Variants in ART1 observed in about 807,000 individuals in gnomAD.
ART1 encodes ADP-ribosyltransferase 1.
A neutral mutation model predicts 27.0 loss-of-function variants in ART1; 29 were observed. That is an observed-to-expected ratio of 1.08 (90% CI 0.80 to 1.47). ART1 has a LOEUF of 1.47. ART1 is among the 40% of genes most tolerant of loss of function. The pLI, the probability that ART1 is intolerant of heterozygous loss-of-function variation, is 0.00. For missense variants in ART1, 480 were observed against 423.0 expected (o/e 1.13, Z -1.18); for synonymous variants, 201 against 172.2 (o/e 1.17, Z -1.31).
intron 1 of ART1, among the ~76,000 whole-genome samples, chr11:3,653,273 C>G: frequency 6.7e-6 from 1 of 148,820 alleles, no homozygotes; most frequent in Non-Finnish European, 1.5e-5. Context: ...CCCCTGTGAC[C>G]TGCACATACA....
intron 1 of ART1, among the ~76,000 whole-genome samples, chr11:3,653,491 T>A (rs1037269029): frequency 6.6e-6 from 1 of 150,728 alleles, no homozygotes; most frequent in Non-Finnish European, 1.5e-5. Context: ...TTTTCCTTTA[T>A]CTACCCAAAT....
chr11:3,660,254 C>CT lies in ART1; in HGVS notation c.738dup (p.Glu247Ter). On this transcript the variant is annotated frameshift_variant, in exon 3 of 5. Transcript: ENST00000250693. LOFTEE classifies it high-confidence loss of function. The stretch of plus-strand genomic sequence containing the variant: ...GAGAGGAAGAGGTGCTGATCCCCCC[C>CT]TTTGAGACCTTCCAAGTGATCAATG... 6.2e-7 allele frequency: 1 copy of CT among 1,613,412 alleles called. No individual in the cohort carries two copies. The highest frequency in any genetic ancestry group is 8.5e-7 in the Non-Finnish European group (1 of 1,180,038).
chr11:3,646,695 C>T (rs1194647239), intron 1 of ART1, among the ~76,000 whole-genome samples: 1 of 152,168 alleles, frequency 6.6e-6, no homozygotes, highest in East Asian at 1.9e-4. Flanking sequence ...CTCATCTCTT[C>T]CCTGATTTCA....
At chr11:3,648,656 C>T (rs939723545) in intron 1 of ART1, among the ~76,000 whole-genome samples, 4 of 152,192 alleles carry the variant, frequency 2.6e-5, no homozygotes, top group Non-Finnish European at 4.4e-5. Context: ...AGGCAGCCTT[C>T]CCTTGGTGTT....
chr11:3,650,043 A>G (rs2077506766), intron 1 of ART1, among the ~76,000 whole-genome samples: 1 of 152,216 alleles, frequency 6.6e-6, no homozygotes, highest in Admixed American at 6.5e-5. Flanking sequence ...AAGGTATACA[A>G]TAATAGAATA....
intron 4 of ART1, among the ~76,000 whole-genome samples, chr11:3,662,656 C>A (rs969082881): frequency 6.6e-6 from 1 of 152,054 alleles, no homozygotes; most frequent in African/African-American, 2.4e-5. Context: ...ACCAGCCTGA[C>A]CAACATGGAG....
chr11:3,659,458 C>T (rs2077599744), intron 2 of ART1, 125 bp from the exon 3 acceptor site: 2 of 1,363,410 alleles, frequency 1.5e-6, no homozygotes, highest in Non-Finnish European at 2.0e-6. Context: ...GTTCCCAATC[C>T]CCTTCCCCAC....
intron 4 of ART1, among the ~76,000 whole-genome samples, chr11:3,663,139 C>CTCA (rs1471322739): frequency 6.7e-6 from 1 of 149,212 alleles, no homozygotes; most frequent in Admixed American, 6.7e-5. Context: ...CTCATCTCAT[C>CTCA]TCATCATCAT....
At chr11:3,655,081 T>C (rs976365064) in intron 1 of ART1, among the ~76,000 whole-genome samples, 1 of 152,210 alleles carries the variant, frequency 6.6e-6, no homozygotes, top group Non-Finnish European at 1.5e-5. Flanking sequence ...TTATCTAAAC[T>C]GGACTTGGTT....
chr11:3,659,753 C>T lies in ART1; in HGVS notation c.234C>T (p.Ser78=). The change falls in exon 3 of 5, where the codon AGC becomes AGT. Residue 78 remains serine, a synonymous_variant. Coordinates refer to ENST00000250693, the MANE Select transcript of ART1 (RefSeq NM_004314.3). ...EFQANQVYAD[S]WTLASSQWQE... ...AGGCCAACCAGGTGTATGCAGACAG[C>T]TGGACACTGGCAAGCAGCCAATGGC... 1 of 1,613,820 alleles carries T rather than the reference C, an allele frequency of 6.2e-7. No individual in the cohort carries two copies. The highest frequency in any genetic ancestry group is 8.5e-7 in the Non-Finnish European group (1 of 1,179,918).
intron 1 of ART1, among the ~76,000 whole-genome samples, chr11:3,652,216 C>T (rs1476374782): frequency 2.7e-5 from 4 of 150,928 alleles, no homozygotes; most frequent in African/African-American, 5.0e-5. Flanking sequence ...TCTAGGTAGA[C>T]ACTTTCACTG....
chr11:3,650,849 A>C (rs1414158261), intron 1 of ART1, among the ~76,000 whole-genome samples: 2 of 125,700 alleles, frequency 1.6e-5, no homozygotes, highest in Non-Finnish European at 3.6e-5. Flanking sequence ...AGGCACCTCT[A>C]CTTCCTCCTT....
At chr11:3,652,402 C>T (rs2077531123) in intron 1 of ART1, among the ~76,000 whole-genome samples, 1 of 149,262 alleles carries the variant, frequency 6.7e-6, no homozygotes. Context: ...TTCAGTGAAA[C>T]CTTTATATCC....
chr11:3,648,001 A>T (rs372754435), intron 1 of ART1, among the ~76,000 whole-genome samples: 421 of 152,240 alleles, frequency 2.8e-3, no homozygotes, highest in African/African-American at 7.8e-3. Flanking sequence ...GACCTGCACA[A>T]ACACATCCAG....
At chr11:3,650,776 C>A (rs1411824278) in intron 1 of ART1, among the ~76,000 whole-genome samples, 2 of 150,792 alleles carry the variant, frequency 1.3e-5, no homozygotes, top group Non-Finnish European at 3.0e-5. Flanking sequence ...CCACCTTTTC[C>A]CCCAGTTCAA....
At position 3,659,597 on chromosome 11, in the gene ART1, C is replaced by G. The variant is rs1171157575; in HGVS notation, c.78C>G (p.Pro26=). Residue 26 remains proline (P), a synonymous_variant, in exon 3 of 5, where the codon CCC becomes CCG. Transcript: ENST00000250693. ...TGTCCCCTCAGGCCCAGAGCCACCC[C>G]ATCACACGACGAGACCTCTTCTCTC... ...LMEALQAQSH[P]ITRRDLFSQE... The G allele has an allele frequency of 6.2e-7, 1 of 1,603,464 alleles. No homozygotes were observed. Among genetic ancestry groups the G allele is most frequent in the Non-Finnish European group, 8.5e-7 (1 of 1,176,058 alleles).
At chr11:3,658,107 C>T (rs1047890069) in intron 1 of ART1, among the ~76,000 whole-genome samples, 24 of 151,818 alleles carry the variant, frequency 1.6e-4, no homozygotes, top group Non-Finnish European at 4.4e-5. Context: ...CTGAGGCGGG[C>T]GGATCACCTG....
rs964446265 is a variant in ART1, at chr11:3,664,297, A to T, written c.*108A>T. 5.5e-6 allele frequency: 6 copies of T among 1,095,462 alleles called. No individual in the cohort carries two copies. The African/African-American group carries it at 9.3e-5, about 17-fold the overall frequency. The allele number at this position is 1,095,462 out of a possible 1,614,324, so 67.9% of individuals were successfully genotyped here. ...ATTCCTGTCAATCCCATCTGCAGGGAACTCTGGGACCTTCTCTGGTAGCTG... is the reference window on the plus strand; with the variant it reads ...ATTCCTGTCAATCCCATCTGCAGGGTACTCTGGGACCTTCTCTGGTAGCTG... On this transcript the variant is annotated 3_prime_UTR_variant, in exon 5 of 5. Transcript: ENST00000250693.
chr11:3,655,852 A>G (rs2077570329), intron 1 of ART1, among the ~76,000 whole-genome samples: 1 of 151,500 alleles, frequency 6.6e-6, no homozygotes, highest in Non-Finnish European at 1.5e-5. Flanking sequence ...GATTCTACAC[A>G]GGAAAGTGAG....
Sources: allele counts gnomAD v4.1 joint callset (sites outside exome capture counted in the v4.1 genomes callset), GRCh38; gene constraint gnomAD v4.1.1; transcripts MANE v1.5; gene names NCBI Gene and HGNC (gene_info 2026-07-23, HGNC 2026-07-21).